The following HOOK3 variants were observed in gnomAD, a reference collection of about 807,000 sequenced individuals.
HOOK3 encodes hook microtubule tethering protein 3, also known as protein Hook homolog 3.
HOOK3 carries 24 observed loss-of-function variants against 116.3 expected under a neutral mutation model. The ratio of observed to expected loss-of-function variants is 0.21; its 90% CI spans 0.15 to 0.29. The LOEUF is 0.29. Among genes scored for constraint, HOOK3 ranks in the 10% least tolerant of loss-of-function variants. HOOK3 has a pLI of 1.00. For synonymous variants in HOOK3, 275 were observed against 283.0 expected, an observed-to-expected ratio of 0.97 and a Z score of 0.28; for missense variants, 632 against 830.2, an observed-to-expected ratio of 0.76 and a Z score of 2.93.
chr8:42,937,652 G>C lies in HOOK3; in HGVS notation c.268-5661G>C, dbSNP rs1056304825. On this transcript the variant is annotated intron_variant, in intron 4 of 21. Coordinates refer to ENST00000307602, the MANE Select transcript of HOOK3 (RefSeq NM_032410.4). ...CTGCCTTCATTTCATTATGTACCCA[G>C]TAGTCATTCAGGAGCAGGTTGTTCA... Among the ~76,000 whole-genome samples, 22 of 152,006 alleles carry C rather than the reference G, an allele frequency of 1.4e-4. 1 individual carries two copies. Among genetic ancestry groups the C allele is most frequent in the Middle Eastern group, 3.4e-3 (1 of 294 alleles).
At chr8:42,924,200 G>T (rs1807718167) in intron 2 of HOOK3, among the ~76,000 whole-genome samples, 1 of 152,028 alleles carries the variant, frequency 6.6e-6, no homozygotes. Flanking sequence ...GCTCAAGCAG[G>T]ACAAACTTAG....
chr8:42,998,341 A>G (rs1809319533), intron 16 of HOOK3, among the ~76,000 whole-genome samples: 1 of 152,216 alleles, frequency 6.6e-6, no homozygotes, highest in Admixed American at 6.5e-5. Flanking sequence ...GAGTGTTCAA[A>G]AATAGTGTAA....
At position 42,943,430 on chromosome 8, in the gene HOOK3, T is replaced by C; in HGVS notation, c.385T>C (p.Cys129Arg). ...LQLILGCAVN[C>R]EQKQEYIQAI... ...GCTCATCTTAGGCTGTGCTGTGAAC[T>C]GTGAACAGAAGCAAGGTAATTTGTT... Residue 129 changes from cysteine to arginine, a missense_variant, in exon 5 of 22, where the codon TGT (cysteine) becomes CGT (arginine). By Grantham distance (180) the Cys-to-Arg change is radical. This residue lies in a region of HOOK3 where 141 missense variants were observed against 150.8 expected (regional missense o/e 0.93). Coordinates refer to ENST00000307602, the MANE Select transcript of HOOK3 (RefSeq NM_032410.4). 1 of 1,479,738 alleles carries C rather than the reference T, an allele frequency of 6.8e-7. No individual in the cohort carries two copies. Among genetic ancestry groups the C allele is most frequent in the Non-Finnish European group, 9.0e-7 (1 of 1,109,464 alleles). 91.7% of individuals were successfully genotyped at this position (1,479,738 alleles called of 1,614,324 possible).
chr8:42,962,796 C>CTTCTTTTTTTTTTTT (rs1554512590), intron 8 of HOOK3, among the ~76,000 whole-genome samples: 5 of 99,350 alleles, frequency 5.0e-5, no homozygotes, highest in African/African-American at 8.7e-5. Context: ...ACTTCTTCTT[C>CTTCTTTTTTTTTTTT]TTTTTTTTTT....
At chr8:42,978,633 C>G (rs547763591) in intron 13 of HOOK3, among the ~76,000 whole-genome samples, 1 of 151,870 alleles carries the variant, frequency 6.6e-6, no homozygotes, top group Admixed American at 6.6e-5. Context: ...AGGCTGGTTT[C>G]GAACTCCTGA....
At position 43,025,524 on chromosome 8, in the gene HOOK3, G is replaced by T; in HGVS notation, c.*7026G>T. 4.7e-6 allele frequency: 1 copy of T among 212,898 alleles called. No homozygotes were observed. The highest frequency in any genetic ancestry group is 1.5e-3 in the Middle Eastern group (1 of 658). 13.2% of individuals were successfully genotyped at this position (212,898 alleles called of 1,614,324 possible). ...TGTATTACATGATTATTCAGTAAAA[G>T]AGTAAACAAATATCTAATTTATTTT... On this transcript the variant is annotated 3_prime_UTR_variant, in exon 22 of 22. Coordinates refer to ENST00000307602, the MANE Select transcript of HOOK3 (RefSeq NM_032410.4).
In HOOK3 at chr8:43,019,289, C is replaced by T. The variant is rs568569185; in HGVS notation, c.*791C>T. ...TTAATTTCTTGTTCTTTTGGAATAT[C>T]TTAGTAACTGAGGATCATTTTCTAA... On this transcript the variant is annotated 3_prime_UTR_variant, in exon 22 of 22. Coordinates refer to ENST00000307602, the MANE Select transcript of HOOK3 (RefSeq NM_032410.4). 9.3e-6 allele frequency: 2 copies of T among 214,756 alleles called. No individual in the cohort carries two copies. Among genetic ancestry groups the T allele is most frequent in the Non-Finnish European group, 1.9e-5 (2 of 106,622 alleles). 13.3% of individuals were successfully genotyped at this position (214,756 alleles called of 1,614,324 possible). A position where few individuals can be genotyped will look rare whatever the true frequency, so the allele number is the denominator to read the frequency against.
chr8:42,969,494 A>G (rs529469878), intron 11 of HOOK3, among the ~76,000 whole-genome samples: 8 of 152,282 alleles, frequency 5.3e-5, no homozygotes, highest in African/African-American at 1.7e-4. Flanking sequence ...GCATGGTGGC[A>G]TGAACCTGTG....
intron 15 of HOOK3, among the ~76,000 whole-genome samples, chr8:42,994,242 C>G (rs1175287035): frequency 6.6e-6 from 1 of 152,114 alleles, no homozygotes. Flanking sequence ...TCTCAAACTC[C>G]TAACCTCAAG....
At chr8:42,970,780 G>GTTTTTTTTTTTT (rs1299118892) in intron 11 of HOOK3, among the ~76,000 whole-genome samples, 3 of 127,898 alleles carry the variant, frequency 2.3e-5, no homozygotes, top group African/African-American at 1.0e-4. Flanking sequence ...AGGAATTTGG[G>GTTTTTTTTTTTT]TCTTTTTTTT....
intron 2 of HOOK3, among the ~76,000 whole-genome samples, chr8:42,912,383 A>G (rs1807449177): frequency 6.6e-6 from 1 of 152,128 alleles, no homozygotes; most frequent in South Asian, 2.1e-4. Context: ...ATGTAGATTC[A>G]TTCATGTCTC....
At chr8:42,992,332 G>A (rs551047185) in intron 15 of HOOK3, among the ~76,000 whole-genome samples, 97 of 148,004 alleles carry the variant, frequency 6.6e-4, no homozygotes, top group African/African-American at 2.3e-3. Flanking sequence ...CCTGGGAGGT[G>A]CAGCTTGCAG....
At chr8:42,978,737 A>C (rs1469408020) in intron 13 of HOOK3, among the ~76,000 whole-genome samples, 4 of 151,812 alleles carry the variant, frequency 2.6e-5, no homozygotes, top group African/African-American at 9.7e-5. Context: ...TTGATAGAGA[A>C]GGGGTTTCAT....
intron 5 of HOOK3, among the ~76,000 whole-genome samples, chr8:42,948,772 GAAAAC>G (rs1563298800): frequency 6.6e-6 from 1 of 152,150 alleles, no homozygotes; most frequent in Non-Finnish European, 1.5e-5. Flanking sequence ...TTCTCATTAA[GAAAAC>G]AAAACCAAAA....
At chr8:42,943,254 T>G (rs1428479057) in intron 4 of HOOK3, 59 bp from the exon 5 acceptor site, 1 of 1,128,660 alleles carries the variant, frequency 8.9e-7, no homozygotes, top group Non-Finnish European at 1.2e-6. Flanking sequence ...CGATCAAGTT[T>G]TTTTTTTTTT....
intron 3 of HOOK3, among the ~76,000 whole-genome samples, chr8:42,927,655 A>G (rs76046717): frequency 6.6e-5 from 10 of 152,178 alleles, no homozygotes; most frequent in South Asian, 2.1e-4. Context: ...CCCAGGATAG[A>G]GTATAGTGGC....
In HOOK3 at chr8:42,925,573, G is replaced by A; in HGVS notation, c.160G>A (p.Asp54Asn). The change falls in exon 3 of 22, where the codon GAT becomes AAT. Residue 54 changes from aspartate to asparagine, a missense_variant. Coordinates refer to ENST00000307602, the MANE Select transcript of HOOK3 (RefSeq NM_032410.4). ...VLQKIDPAYF[D>N]ENWLNRIKTE... ...ATTTTGCAGAGATCCTGCATATTTT[G>A]ATGAAAATTGGCTAAACAGAATCAA... 6.2e-7 allele frequency: 1 copy of A among 1,603,558 alleles called. No individual in the cohort carries two copies. Among genetic ancestry groups the A allele is most frequent in the Non-Finnish European group, 8.5e-7 (1 of 1,174,022 alleles).
intron 5 of HOOK3, among the ~76,000 whole-genome samples, chr8:42,948,077 T>A (rs1325538057): frequency 6.6e-6 from 1 of 152,164 alleles, no homozygotes; most frequent in Admixed American, 6.6e-5. Flanking sequence ...TAATAATAAT[T>A]ATTTATTATT....
In HOOK3 at chr8:42,968,101, G is replaced by A. The variant is rs774728753; in HGVS notation, c.1009G>A (p.Val337Ile). Residue 337 changes from valine to isoleucine, a missense_variant, in exon 11 of 22, where the codon GTT becomes ATT. Coordinates refer to ENST00000307602, the MANE Select transcript of HOOK3 (RefSeq NM_032410.4). ...LEDLGDLRRQ[V>I]KLLEEKNTMY... ...AGACCTTGGTGATTTAAGGCGGCAGGTTAAACTCTTAGAAGAGAAGAATAC... is the reference window on the plus strand; with the variant it reads ...AGACCTTGGTGATTTAAGGCGGCAGATTAAACTCTTAGAAGAGAAGAATAC... 1.9e-6 allele frequency: 3 copies of A among 1,612,148 alleles called. No individual in the cohort carries two copies. The highest frequency in any genetic ancestry group is 2.5e-6 in the Non-Finnish European group (3 of 1,178,336).
Sources: allele counts gnomAD v4.1 joint callset (sites outside exome capture counted in the v4.1 genomes callset), GRCh38; gene constraint gnomAD v4.1.1; regional missense constraint gnomAD v4.1.1; transcripts MANE v1.5; gene names NCBI Gene and HGNC (gene_info 2026-07-23, HGNC 2026-07-21).